Variants in ANK3 observed in about 807,000 individuals in gnomAD.
ANK3 encodes ankyrin 3.
Under a neutral mutation model 370.9 loss-of-function variants are expected in ANK3, and 57 were observed. That is an observed-to-expected ratio of 0.15 (90% CI 0.12 to 0.19). The LOEUF (loss-of-function observed/expected upper bound fraction) is 0.19, where lower values mean the gene tolerates loss of function less well. ANK3 is among the 10% of genes least tolerant of loss of function. The pLI is 1.00. For missense variants in ANK3, 4,439 were observed against 5,302.1 expected, an observed-to-expected ratio of 0.84 and a Z score of 5.06; for synonymous variants, 1,929 against 1,946.3, an observed-to-expected ratio of 0.99 and a Z score of 0.23.
At chr10:60,480,442 A>T (rs1190143886) in intron 2 of ANK3, among the ~76,000 whole-genome samples, 1 of 152,222 alleles carries the variant, frequency 6.6e-6, no homozygotes, top group Non-Finnish European at 1.5e-5. Flanking sequence ...AGATCTGGGA[A>T]CATTCAATTT....
At chr10:60,728,427 A>AT (rs1432130360) in intron 1 of ANK3, among the ~76,000 whole-genome samples, 2 of 150,716 alleles carry the variant, frequency 1.3e-5, no homozygotes, top group Admixed American at 1.4e-4. Flanking sequence ...AAACGAAATC[A>AT]TTTTTTTAAA....
At chr10:60,214,404 G>GA (rs1370583331) in intron 8 of ANK3, among the ~76,000 whole-genome samples, 3 of 151,840 alleles carry the variant, frequency 2.0e-5, no homozygotes, top group Non-Finnish European at 4.4e-5. Context: ...TCTGCTAAAA[G>GA]AAAAAAATGG....
rs953726396 is a variant in ANK3, at chr10:60,669,759, T to C, written c.58-54535A>G. 2.0e-5 allele frequency among the ~76,000 whole-genome samples: 3 copies of C among 152,278 alleles called. No individual in the cohort carries two copies. The South Asian group carries it at 6.2e-4, about 32-fold the overall frequency. On this transcript the variant is annotated intron_variant, in intron 1 of 43. Coordinates refer to the ANK3 transcript ENST00000373827. ...ATCGAACCTTGAAATGTTAAATATT[T>C]CTTGGAGCTAGGTCACAGGCCCTCT...
chr10:60,544,006 A>G (rs1466864073), intron 2 of ANK3, among the ~76,000 whole-genome samples: 1 of 152,130 alleles, frequency 6.6e-6, no homozygotes, highest in Non-Finnish European at 1.5e-5. Context: ...CTCAAGGGGA[A>G]AGACAATGGA....
At chr10:60,137,644 A>C (rs1278044198) in intron 24 of ANK3, among the ~76,000 whole-genome samples, 1 of 152,118 alleles carries the variant, frequency 6.6e-6, no homozygotes, top group African/African-American at 2.4e-5. Context: ...TAGTGCAATC[A>C]AAATTAGAAG....
chr10:60,560,162 T>C (rs762784543), intron 2 of ANK3, among the ~76,000 whole-genome samples: 1 of 152,114 alleles, frequency 6.6e-6, no homozygotes, highest in African/African-American at 2.4e-5. Context: ...TATACAAAGA[T>C]AAGGTATTCG....
At chr10:60,240,107 T>TATATATACAC (rs1555185112) in intron 7 of ANK3, among the ~76,000 whole-genome samples, 1 of 114,626 alleles carries the variant, frequency 8.7e-6, no homozygotes, top group African/African-American at 3.3e-5. Context: ...CACACATAAA[T>TATATATACAC]ACATATATAT....
At position 60,720,877 on chromosome 10, in the gene ANK3, T is replaced by C. The variant is rs1219223635; in HGVS notation, c.57+12386A>G. 2.0e-5 allele frequency among the ~76,000 whole-genome samples: 3 copies of C among 152,114 alleles called. No individual in the cohort carries two copies. The East Asian group carries it at 5.8e-4, about 29-fold the overall frequency. On this transcript the variant is annotated intron_variant, in intron 1 of 43. Transcript: ENST00000373827. ...ATCTGCCAGTCTCAGCCTCCCAAAG[T>C]GCCGGGATTACAGGCATGGGACACC...
At chr10:60,032,825 A>G (rs2074007935) in intron 43 of ANK3, among the ~76,000 whole-genome samples, 1 of 152,128 alleles carries the variant, frequency 6.6e-6, no homozygotes. Flanking sequence ...CCCCAACCAC[A>G]CTGGGTACAG....
At chr10:60,523,222 ATTTTTC>A (rs1179621563) in intron 2 of ANK3, among the ~76,000 whole-genome samples, 3 of 151,880 alleles carry the variant, frequency 2.0e-5, no homozygotes, top group Non-Finnish European at 4.4e-5. Flanking sequence ...AGAGATACAC[ATTTTTC>A]TTTATTTTAT....
intron 2 of ANK3, among the ~76,000 whole-genome samples, chr10:60,459,624 A>G (rs1461227639): frequency 6.6e-6 from 1 of 152,072 alleles, no homozygotes; most frequent in Non-Finnish European, 1.5e-5. Flanking sequence ...GTCAGCTTTA[A>G]TTAATGATGC....
chr10:60,065,934 A>G (rs568608047), intron 38 of ANK3, among the ~76,000 whole-genome samples: 2 of 152,354 alleles, frequency 1.3e-5, no homozygotes, highest in African/African-American at 4.8e-5. Flanking sequence ...TTAATTTTGT[A>G]GAATGACACA....
At chr10:60,149,805 T>A (rs907801001) in intron 23 of ANK3, among the ~76,000 whole-genome samples, 1 of 152,180 alleles carries the variant, frequency 6.6e-6, no homozygotes, top group African/African-American at 2.4e-5. Flanking sequence ...GCCTCCTGGG[T>A]TCAAGTGAGT....
At chr10:60,326,032 A>C (rs887669602) in intron 1 of ANK3, among the ~76,000 whole-genome samples, 8 of 152,182 alleles carry the variant, frequency 5.3e-5, no homozygotes, top group African/African-American at 1.9e-4. Context: ...CAGGAACAGA[A>C]AACCAAATAC....
chr10:60,324,659 A>AT lies in ANK3; in HGVS notation c.115-45021dup, dbSNP rs961617899. ...AGCCCAGAGACCCGTAAGTCTCCTA[A>AT]TTTTTTTTCTTTTTTTGGAGCGCTC... On this transcript the variant is annotated intron_variant, in intron 1 of 43. Coordinates refer to ENST00000280772, the MANE Select transcript of ANK3 (RefSeq NM_020987.5). Among the ~76,000 whole-genome samples, 7 of 152,026 alleles carry AT rather than the reference A, an allele frequency of 4.6e-5. No individual in the cohort carries two copies. In the East Asian group the frequency reaches 5.8e-4, roughly 13 times the overall value.
chr10:60,542,116 T>C (rs568449090), intron 2 of ANK3, among the ~76,000 whole-genome samples: 2 of 152,052 alleles, frequency 1.3e-5, no homozygotes, highest in African/African-American at 2.4e-5. Context: ...ACCAACCCTT[T>C]GGCTGTAATT....
intron 2 of ANK3, chr10:60,507,707 T>G (rs1231250956): frequency 6.6e-6 from 1 of 151,834 alleles, no homozygotes; most frequent in Non-Finnish European, 1.5e-5. Context: ...GACTTCAAAT[T>G]TTACCAAAAA....
Position 60,213,413 on chromosome 10 carries a change from T to C in ANK3, c.995A>G (p.Lys332Arg), listed in dbSNP as rs375976636. 2.5e-6 allele frequency: 4 copies of C among 1,609,452 alleles called. No homozygotes were observed. Among genetic ancestry groups the C allele is most frequent in the East Asian group, 2.2e-5 (1 of 44,794 alleles). Reference sequence around the variant, plus strand: ...TCCAGAAACCTGAAAAGAAATTACCTTGGTTTTTGAAAGAATGGGGGCAGC... The same window carrying C: ...TCCAGAAACCTGAAAAGAAATTACCCTGGTTTTTGAAAGAATGGGGGCAGC... The part of the protein sequence containing the change: ...DRAAPILSKT[K>R]NGLSPLHMAT... Residue 332 changes from lysine to arginine, a missense_variant and splice_region_variant, in exon 9 of 44, where the codon AAG becomes AGG. By Grantham distance (26) the Lys-to-Arg change is conservative (BLOSUM62 2). Around this residue, in one of 13 missense-constraint regions of ANK3, gnomAD observed 227 missense variants for 377.6 expected, o/e 0.60. Transcript: ENST00000280772.
intron 1 of ANK3, among the ~76,000 whole-genome samples, chr10:60,645,229 A>G (rs1051535773): frequency 6.6e-6 from 1 of 152,210 alleles, no homozygotes; most frequent in African/African-American, 2.4e-5. Flanking sequence ...TACAAAAACA[A>G]AACAAAATAA....
Sources: allele counts gnomAD v4.1 joint callset (sites outside exome capture counted in the v4.1 genomes callset), GRCh38; gene constraint gnomAD v4.1.1; regional missense constraint gnomAD v4.1.1; transcripts MANE v1.5; gene names NCBI Gene and HGNC (gene_info 2026-07-23, HGNC 2026-07-21).